Variants in SLC36A4 observed in about 807,000 individuals in gnomAD.
The protein encoded by SLC36A4 is neutral amino acid uniporter 4.
Under a neutral mutation model 50.5 loss-of-function variants are expected in SLC36A4, and 49 were observed. That is an observed-to-expected ratio of 0.97 (90% confidence interval 0.77 to 1.23). The LOEUF (loss-of-function observed/expected upper bound fraction) is 1.23. Among genes scored for constraint, SLC36A4 ranks in the 50% most tolerant of loss-of-function variants. The probability of loss-of-function intolerance (pLI) is 0.00; values close to 1 mark genes in which losing one functional copy is unlikely to be tolerated. For synonymous variants in SLC36A4, 207 were observed against 206.5 expected (o/e 1.00, Z -0.02); for missense variants, 611 against 608.4 (o/e 1.00, Z -0.05).
chr11:93,166,476 C>T (rs1860872650), intron 7 of SLC36A4: 1 of 912,280 alleles, frequency 1.1e-6, no homozygotes. Flanking sequence ...TGGCTTTCTA[C>T]CTTATAGCTC....
chr11:93,149,972 A>T (rs968281162), intron 10 of SLC36A4, among the ~76,000 whole-genome samples: 1 of 151,868 alleles, frequency 6.6e-6, no homozygotes, highest in Non-Finnish European at 1.5e-5. Context: ...TGAAAAGTTT[A>T]AAAAAAATAG....
intron 6 of SLC36A4, among the ~76,000 whole-genome samples, chr11:93,176,928 C>T (rs1027131700): frequency 2.6e-5 from 4 of 152,024 alleles, no homozygotes; most frequent in African/African-American, 9.7e-5. Flanking sequence ...ATTTATGTGT[C>T]TTGGAGTTGC....
chr11:93,150,897 T>A (rs1020551365), intron 10 of SLC36A4, among the ~76,000 whole-genome samples: 2 of 152,020 alleles, frequency 1.3e-5, no homozygotes, highest in Non-Finnish European at 1.5e-5. Flanking sequence ...CAATTTGGAA[T>A]CCATTTTTCT....
At chr11:93,172,486 T>G (rs1386810083) in intron 6 of SLC36A4, among the ~76,000 whole-genome samples, 1 of 151,696 alleles carries the variant, frequency 6.6e-6, no homozygotes, top group Non-Finnish European at 1.5e-5. Context: ...AGGGTACATG[T>G]GCACATTGTG....
intron 9 of SLC36A4, among the ~76,000 whole-genome samples, chr11:93,159,255 T>C (rs1443798856): frequency 6.6e-6 from 1 of 152,190 alleles, no homozygotes; most frequent in Admixed American, 6.5e-5. Flanking sequence ...AATCAGATTA[T>C]AGGGAGAAAA....
intron 1 of SLC36A4, among the ~76,000 whole-genome samples, chr11:93,188,729 C>T (rs1013852340): frequency 4.6e-5 from 7 of 152,136 alleles, no homozygotes; most frequent in Admixed American, 4.6e-4. Context: ...AGCCTATATC[C>T]TTTTCTGTTA....
rs1860691281 is a variant in SLC36A4 at position 93,162,832 on chromosome 11, G to C, written c.911C>G (p.Pro304Arg). 1.2e-6 allele frequency: 2 copies of C among 1,613,612 alleles called. No individual in the cohort carries two copies. The highest frequency in any genetic ancestry group is 4.5e-5 in the East Asian group (2 of 44,800). ...CCCCATGCCAATATTCAACGCTTGA[G>C]GGAAACGCTTTGATTCTTTCATTTG... ...ENQMKESKRF[P>R]QALNIGMGIV... The change falls in exon 9 of 11, where the codon CCT becomes CGT. Residue 304 changes from proline (P) to arginine (R), a missense_variant. Physicochemically the swap from Pro to Arg is moderately radical, Grantham distance 103 (BLOSUM62 -2). Transcript: ENST00000326402.
At chr11:93,187,771 T>C (rs1469147631) in intron 1 of SLC36A4, among the ~76,000 whole-genome samples, 1 of 152,188 alleles carries the variant, frequency 6.6e-6, no homozygotes, top group Non-Finnish European at 1.5e-5. Context: ...TAGTTCTCTT[T>C]CATTTCTGCA....
At chr11:93,172,413 C>A (rs1203104402) in intron 6 of SLC36A4, among the ~76,000 whole-genome samples, 1 of 115,582 alleles carries the variant, frequency 8.7e-6, no homozygotes, top group Non-Finnish European at 2.1e-5. Flanking sequence ...TCCCACTCTT[C>A]CCCCCAAGTC....
rs192864983 is a variant in SLC36A4 at position 93,168,524 on chromosome 11, T to C, written c.541-353A>G. 2.4e-3 allele frequency among the ~76,000 whole-genome samples: 370 copies of C among 152,144 alleles called. 4 individuals are homozygous for C. The highest frequency in any genetic ancestry group is 8.5e-3 in the African/African-American group (355 of 41,548). ...AAGGCTCAAGTATCTCTTTTTGAGATCATCAAATTTGGAACCATGCTTGTA... is the reference window on the plus strand; with the variant it reads ...AAGGCTCAAGTATCTCTTTTTGAGACCATCAAATTTGGAACCATGCTTGTA... On this transcript the variant is annotated intron_variant, in intron 6 of 10. Coordinates refer to ENST00000326402, the MANE Select transcript of SLC36A4 (RefSeq NM_152313.4).
At chr11:93,170,484 G>T (rs780645903) in intron 6 of SLC36A4, among the ~76,000 whole-genome samples, 114 of 151,984 alleles carry the variant, frequency 7.5e-4, no homozygotes, top group Non-Finnish European at 1.5e-3. Flanking sequence ...GAAACAAGGG[G>T]ATATTTTGTT....
chr11:93,178,970 T>C (rs1035166492), intron 6 of SLC36A4, among the ~76,000 whole-genome samples: 8 of 152,052 alleles, frequency 5.3e-5, no homozygotes, highest in Admixed American at 2.0e-4. Context: ...TTTATAGAGA[T>C]AGGAAAACAG....
At chr11:93,166,156 CT>C in intron 7 of SLC36A4, 140 bp from the exon 8 acceptor site, 1 of 1,279,688 alleles carries the variant, frequency 7.8e-7, no homozygotes, top group Middle Eastern at 2.9e-4. Flanking sequence ...TCAACAAACA[CT>C]TAAAGCATCC....
intron 9 of SLC36A4, among the ~76,000 whole-genome samples, chr11:93,158,459 T>G (rs987341613): frequency 6.6e-6 from 1 of 152,122 alleles, no homozygotes; most frequent in Non-Finnish European, 1.5e-5. Context: ...TATCGTTAAT[T>G]ATATGCAAAT....
Position 93,182,864 on chromosome 11 carries a change from T to C in SLC36A4, c.301A>G (p.Ile101Val), listed in dbSNP as rs557194595. ...ATGTGCATACAGTGAACAGAAATAA[T>C]TCCTATAAACACAAGGCTGATTGGT... ...LGPISLVFIGIISVHCMHILV... is the reference protein window; with the variant it reads ...LGPISLVFIGVISVHCMHILV... The change falls in exon 4 of 11, where the codon ATT becomes GTT. Residue 101 changes from isoleucine (I) to valine (V), a missense_variant. By Grantham distance (29) the Ile-to-Val change is conservative. Coordinates refer to ENST00000326402, the MANE Select transcript of SLC36A4 (RefSeq NM_152313.4). 51 of 1,612,828 alleles carry C rather than the reference T, an allele frequency of 3.2e-5. No individual in the cohort carries two copies. The highest frequency in any genetic ancestry group is 1.3e-4 in the South Asian group (12 of 90,908).
intron 1 of SLC36A4, among the ~76,000 whole-genome samples, chr11:93,187,889 G>C (rs149812533): frequency 6.6e-6 from 1 of 152,112 alleles, no homozygotes; most frequent in Non-Finnish European, 1.5e-5. Flanking sequence ...TTTTGTCAAG[G>C]CTTCCCCCTT....
chr11:93,154,331 C>G (rs1220764993), intron 9 of SLC36A4, 54 bp from the exon 10 acceptor site: 3 of 894,086 alleles, frequency 3.4e-6, no homozygotes, highest in Non-Finnish European at 4.7e-6. Flanking sequence ...TTTAGTTTTC[C>G]TCCTTTATTT....
chr11:93,175,292 T>C (rs1230393516), intron 6 of SLC36A4, among the ~76,000 whole-genome samples: 1 of 152,054 alleles, frequency 6.6e-6, no homozygotes, highest in African/African-American at 2.4e-5. Flanking sequence ...TCGGTGATGA[T>C]ATCCCCTTTA....
chr11:93,160,570 T>G (rs2134644489), intron 9 of SLC36A4: 1 of 985,364 alleles, frequency 1.0e-6, no homozygotes, highest in East Asian at 1.1e-4. Context: ...CCCTCCAAGA[T>G]TGAGTTGTGA....
Sources: allele counts gnomAD v4.1 joint callset (sites outside exome capture counted in the v4.1 genomes callset), GRCh38; gene constraint gnomAD v4.1.1; transcripts MANE v1.5; gene names NCBI Gene and HGNC (gene_info 2026-07-23, HGNC 2026-07-21).